KANSL2: variants seen among roughly 807,000 people sequenced by gnomAD.
The protein encoded by KANSL2 is NSL complex protein NSL2.
A neutral mutation model predicts 55.6 loss-of-function variants in KANSL2; 34 were observed. The ratio of observed to expected loss-of-function variants is 0.61; its 90% CI spans 0.46 to 0.81. The LOEUF (loss-of-function observed/expected upper bound fraction) is 0.81. Among genes scored for constraint, KANSL2 ranks in the 40% least tolerant of loss-of-function variants. KANSL2 has a pLI of 0.00. For missense variants in KANSL2, 502 were observed against 609.9 expected (o/e 0.82, Z 1.86); for synonymous variants, 209 against 214.3 (o/e 0.98, Z 0.22).
At chr12:48,670,337 G>C (rs1366218758) in intron 5 of KANSL2, among the ~76,000 whole-genome samples, 1 of 151,156 alleles carries the variant, frequency 6.6e-6, no homozygotes, top group African/African-American at 2.4e-5. Context: ...AAAAAAAAAA[G>C]TTAAATGTAA....
intron 2 of KANSL2, among the ~76,000 whole-genome samples, chr12:48,680,829 T>G (rs1364744245): frequency 3.3e-5 from 5 of 151,000 alleles, no homozygotes; most frequent in African/African-American, 1.2e-4. Flanking sequence ...AGTACAAAAA[T>G]TAGCCGGGCA....
chr12:48,667,400 T>G, intron 7 of KANSL2: 1 of 403,110 alleles, frequency 2.5e-6, no homozygotes, highest in Non-Finnish European at 4.8e-6. Flanking sequence ...ATGTATATTT[T>G]GGGACCCAAG....
chr12:48,670,840 A>G lies in KANSL2; in HGVS notation c.709+959T>C, dbSNP rs1188413409. Among the ~76,000 whole-genome samples, 9 of 152,204 alleles carry G rather than the reference A, an allele frequency of 5.9e-5. No homozygotes were observed. In the East Asian group the frequency reaches 1.7e-3, roughly 29 times the overall value. ...AAAAATTAGCTGAGTGTGGTGGTGC[A>G]TCTGTAGTCCTAGTTACTCAGGAGG... On this transcript the variant is annotated intron_variant, in intron 5 of 9. Coordinates refer to ENST00000420613, the MANE Select transcript of KANSL2 (RefSeq NM_017822.4).
intron 4 of KANSL2, among the ~76,000 whole-genome samples, chr12:48,673,952 A>AAAATAAAT (rs928832766): frequency 6.6e-6 from 1 of 152,078 alleles, no homozygotes; most frequent in Non-Finnish European, 1.5e-5. Flanking sequence ...CCATGTCTCA[A>AAAATAAAT]AAATAAATAA....
chr12:48,656,779 C>A (rs1408978235), intron 8 of KANSL2: 2 of 508,148 alleles, frequency 3.9e-6, no homozygotes, highest in Non-Finnish European at 7.8e-6. Context: ...TGATTCAGGG[C>A]CTAAGGCAAT....
In KANSL2 at chr12:48,681,712, G is replaced by A. The variant is rs776902050; in HGVS notation, c.-9-71C>T. 4.4e-6 allele frequency: 7 copies of A among 1,596,630 alleles called. No homozygotes were observed. In the African/African-American group the frequency reaches 8.0e-5, roughly 18 times the overall value. On this transcript the variant is annotated intron_variant, in intron 1 of 9. Transcript: ENST00000420613. ...AATTCCTGCTCCACACAGATCGCGC[G>A]GACAGTTTCCAAAGGACATGCAGAA...
intron 4 of KANSL2, 83 bp downstream of exon 4, chr12:48,678,953 G>C (rs1217310598): frequency 2.1e-6 from 2 of 952,632 alleles, no homozygotes; most frequent in Non-Finnish European, 3.3e-6. Context: ...ACCCTCCTAG[G>C]TTACTAATTT....
intron 4 of KANSL2, among the ~76,000 whole-genome samples, chr12:48,676,486 C>T (rs747194201): frequency 2.5e-4 from 38 of 152,012 alleles, no homozygotes; most frequent in Non-Finnish European, 4.4e-4. Context: ...GGAGAAACCC[C>T]GTCTCTACTA....
intron 4 of KANSL2, among the ~76,000 whole-genome samples, chr12:48,672,365 ATG>A (rs199744980): frequency 0.017 from 2,430 of 146,602 alleles, 30 homozygotes; most frequent in Non-Finnish European, 0.024. Flanking sequence ...ACATATATAC[ATG>A]TATATATACG....
At chr12:48,676,889 G>T (rs1346364057) in intron 4 of KANSL2, among the ~76,000 whole-genome samples, 2 of 152,154 alleles carry the variant, frequency 1.3e-5, no homozygotes, top group African/African-American at 4.8e-5. Flanking sequence ...GAAGATAAAT[G>T]TGGTTAAACT....
At chr12:48,676,887 A>G (rs1032035677) in intron 4 of KANSL2, among the ~76,000 whole-genome samples, 1 of 152,202 alleles carries the variant, frequency 6.6e-6, no homozygotes, top group Non-Finnish European at 1.5e-5. Flanking sequence ...TTGAAGATAA[A>G]TGTGGTTAAA....
chr12:48,666,902 C>T (rs1444397964), intron 7 of KANSL2, among the ~76,000 whole-genome samples: 1 of 151,736 alleles, frequency 6.6e-6, no homozygotes, highest in African/African-American at 2.4e-5. Flanking sequence ...AAATAAAAGC[C>T]GGGCACAGTG....
chr12:48,667,963 G>C (rs1342862470), intron 6 of KANSL2, among the ~76,000 whole-genome samples, 174 bp from the exon 7 acceptor site: 1 of 152,014 alleles, frequency 6.6e-6, no homozygotes, highest in African/African-American at 2.4e-5. Context: ...AGTGCATAAA[G>C]AATGAGTCAA....
At position 48,654,034 on chromosome 12, in the gene KANSL2, C is replaced by T. The variant is rs1939329724; in HGVS notation, c.*10G>A. 3 of 1,565,962 alleles carry T rather than the reference C, an allele frequency of 1.9e-6. No individual in the cohort carries two copies. Among genetic ancestry groups the T allele is most frequent in the Non-Finnish European group, 2.6e-6 (3 of 1,160,714 alleles). ...TTAAATCCACCAAAGTAAAATGGTT[C>T]CCCAAACTATCAACTAATAGAAGTG... On this transcript the variant is annotated 3_prime_UTR_variant, in exon 10 of 10. Transcript: ENST00000420613.
intron 9 of KANSL2, 30 bp downstream of exon 9, chr12:48,654,911 G>C (rs2137171939): frequency 6.4e-7 from 1 of 1,552,670 alleles, no homozygotes; most frequent in Non-Finnish European, 8.7e-7. Flanking sequence ...CACTACATGA[G>C]GGAAACAGGT....
intron 4 of KANSL2, among the ~76,000 whole-genome samples, chr12:48,673,567 GAAAA>G (rs111737433): frequency 2.3e-5 from 2 of 88,406 alleles, no homozygotes; most frequent in Non-Finnish European, 5.0e-5. Context: ...CTCAAAAAAA[GAAAA>G]AAAAAAAAAA....
Position 48,655,029 on chromosome 12 carries a change from C to CA in KANSL2, c.1258dup (p.Cys420LeufsTer9). ...ATCAAAAAGCAAAGGTGAAGGAGGA[C>CA]ACTGCATACCATCACCCACAACATC... On this transcript the variant is annotated frameshift_variant, in exon 9 of 10. Coordinates refer to ENST00000420613, the MANE Select transcript of KANSL2 (RefSeq NM_017822.4). LOFTEE classifies it high-confidence loss of function. The CA allele has an allele frequency of 6.3e-7, 1 of 1,584,402 alleles. No homozygotes were observed. Among genetic ancestry groups the CA allele is most frequent in the Non-Finnish European group, 8.6e-7 (1 of 1,164,908 alleles).
chr12:48,653,993 T>C lies in KANSL2; in HGVS notation c.*51A>G, dbSNP rs1449314827. 3 of 1,512,896 alleles carry C rather than the reference T, an allele frequency of 2.0e-6. No individual in the cohort carries two copies. The highest frequency in any genetic ancestry group is 1.4e-5 in the African/African-American group (1 of 71,424). 93.7% of individuals were successfully genotyped at this position (1,512,896 alleles called of 1,614,324 possible). On this transcript the variant is annotated 3_prime_UTR_variant, in exon 10 of 10. Transcript: ENST00000420613. ...GTGAGAGATGATCAGAAATACTTCT[T>C]TGAAGAACGAGAAATTTAAATCCAC...
chr12:48,656,182 C>T (rs1939376789), intron 8 of KANSL2, among the ~76,000 whole-genome samples: 1 of 151,788 alleles, frequency 6.6e-6, no homozygotes, highest in South Asian at 2.1e-4. Context: ...AAAGGAAGGA[C>T]AACAGAAAAC....
Sources: allele counts gnomAD v4.1 joint callset (sites outside exome capture counted in the v4.1 genomes callset), GRCh38; gene constraint gnomAD v4.1.1; transcripts MANE v1.5; gene names NCBI Gene and HGNC (gene_info 2026-07-23, HGNC 2026-07-21).